Variants in ABCA13 observed in about 807,000 individuals in gnomAD.
The protein encoded by ABCA13 is ATP-binding cassette sub-family A member 13.
A neutral mutation model predicts 478.7 loss-of-function variants in ABCA13; 476 were observed. The observed-to-expected ratio is 0.99, with a 90% CI of 0.92 to 1.07. The LOEUF (loss-of-function observed/expected upper bound fraction) is 1.07, where lower values mean the gene tolerates loss of function less well. Among genes scored for constraint, ABCA13 ranks in the 50% least tolerant of loss-of-function variants. The probability of loss-of-function intolerance (pLI) is 0.00; values close to 1 mark genes in which losing one functional copy is unlikely to be tolerated. For missense variants in ABCA13, 6,060 were observed against 5,910.6 expected (o/e 1.03, Z -0.83); for synonymous variants, 2,252 against 2,158.9 (o/e 1.04, Z -1.20).
intron 27 of ABCA13, among the ~76,000 whole-genome samples, chr7:48,326,740 A>G (rs1462177868): frequency 1.3e-5 from 2 of 152,214 alleles, no homozygotes; most frequent in Non-Finnish European, 2.9e-5. Flanking sequence ...TTCTCCAAGT[A>G]GAAATTCACA....
chr7:48,240,258 A>G (rs961048207), intron 9 of ABCA13, among the ~76,000 whole-genome samples: 1 of 152,248 alleles, frequency 6.6e-6, no homozygotes, highest in African/African-American at 2.4e-5. Context: ...TGAAATGACC[A>G]GCATCCAATG....
chr7:48,254,107 T>C (rs1424339791), intron 15 of ABCA13, among the ~76,000 whole-genome samples: 4 of 152,152 alleles, frequency 2.6e-5, no homozygotes, highest in Non-Finnish European at 5.9e-5. Flanking sequence ...CTCCTTTAAT[T>C]CTTAATTTCA....
At chr7:48,489,365 T>A in intron 48 of ABCA13, 21 bp downstream of exon 48, 1 of 1,536,328 alleles carries the variant, frequency 6.5e-7, no homozygotes, top group African/African-American at 1.4e-5. Context: ...TTTTCATGCA[T>A]TGTAATTCAC....
chr7:48,483,819 C>A (rs1256929640), intron 47 of ABCA13, among the ~76,000 whole-genome samples: 1 of 152,262 alleles, frequency 6.6e-6, no homozygotes, highest in South Asian at 2.1e-4. Context: ...CAGAAAGATT[C>A]AAAGCATTCA....
chr7:48,550,217 G>A (rs1030498413), intron 55 of ABCA13, among the ~76,000 whole-genome samples: 22 of 150,778 alleles, frequency 1.5e-4, no homozygotes, highest in Admixed American at 7.3e-4. Flanking sequence ...AAAATTCTGC[G>A]TTTCATATAT....
intron 3 of ABCA13, among the ~76,000 whole-genome samples, chr7:48,215,490 A>G (rs1365580780): frequency 1.3e-5 from 2 of 152,212 alleles, no homozygotes; most frequent in Non-Finnish European, 2.9e-5. Flanking sequence ...TGTGACACAG[A>G]GACACAAAGT....
At chr7:48,181,827 A>T (rs746877419) in intron 1 of ABCA13, among the ~76,000 whole-genome samples, 48 of 152,296 alleles carry the variant, frequency 3.2e-4, no homozygotes, top group Non-Finnish European at 5.6e-4. Flanking sequence ...TTTTGTTTTT[A>T]AAAACACATT....
intron 26 of ABCA13, among the ~76,000 whole-genome samples, chr7:48,316,279 C>T (rs913132001): frequency 6.6e-6 from 1 of 152,110 alleles, no homozygotes; most frequent in African/African-American, 2.4e-5. Flanking sequence ...TCATTAAAGA[C>T]AGTTCAGTAG....
At chr7:48,525,666 T>C (rs1278066724) in intron 54 of ABCA13, among the ~76,000 whole-genome samples, 1 of 112,266 alleles carries the variant, frequency 8.9e-6, no homozygotes, top group Non-Finnish European at 1.7e-5. Context: ...TCTGTTTAGA[T>C]GCGCTTTTTT....
chr7:48,249,517 A>G (rs1444564253), intron 15 of ABCA13, among the ~76,000 whole-genome samples, 166 bp downstream of exon 15: 3 of 152,186 alleles, frequency 2.0e-5, no homozygotes, highest in African/African-American at 4.8e-5. Context: ...TTTCTCATCA[A>G]TTATGACAAG....
chr7:48,468,267 G>A (rs1225576745), intron 44 of ABCA13, among the ~76,000 whole-genome samples: 1 of 152,160 alleles, frequency 6.6e-6, no homozygotes, highest in African/African-American at 2.4e-5. Flanking sequence ...GGTTGCAGTA[G>A]AGCCCCAAAC....
chr7:48,533,524 A>G (rs1316226841), intron 55 of ABCA13, among the ~76,000 whole-genome samples: 1 of 152,088 alleles, frequency 6.6e-6, no homozygotes, highest in East Asian at 1.9e-4. Flanking sequence ...TCTAGGGTAT[A>G]GTTTAAGTCC....
chr7:48,439,572 C>G (rs1381398047), intron 42 of ABCA13, among the ~76,000 whole-genome samples: 1 of 151,998 alleles, frequency 6.6e-6, no homozygotes, highest in Admixed American at 6.6e-5. Flanking sequence ...GAGGATATTA[C>G]TACATAGAAA....
intron 35 of ABCA13, among the ~76,000 whole-genome samples, chr7:48,381,358 C>CACACATACACAT (rs1400612734): frequency 5.0e-4 from 76 of 150,618 alleles, no homozygotes; most frequent in African/African-American, 1.8e-3. Context: ...CTCTCTGTCA[C>CACACATACACAT]ACACATACAC....
intron 23 of ABCA13, 35 bp downstream of exon 23, chr7:48,298,522 A>G: frequency 1.3e-6 from 2 of 1,599,178 alleles, no homozygotes; most frequent in Non-Finnish European, 1.7e-6. Context: ...TGTTTTGCTC[A>G]TGGAAGGAGC....
In ABCA13 at chr7:48,646,187, T is replaced by C. The variant is rs1795423668; in HGVS notation, c.*675T>C. 2.0e-5 allele frequency: 3 copies of C among 152,226 alleles called. No individual in the cohort carries two copies. Among genetic ancestry groups the C allele is most frequent in the Admixed American group, 2.0e-4 (3 of 15,276 alleles). 9.4% of individuals were successfully genotyped at this position (152,226 alleles called of 1,614,324 possible). On this transcript the variant is annotated 3_prime_UTR_variant, in exon 62 of 62. Coordinates refer to ENST00000435803, the MANE Select transcript of ABCA13 (RefSeq NM_152701.5). ...AGTTACTCTGTATCAATTACAGTAG[T>C]TCTACCAGAATCTCCCAGGTTATAA...
intron 38 of ABCA13, among the ~76,000 whole-genome samples, chr7:48,393,113 C>T (rs753283043): frequency 6.6e-6 from 1 of 152,154 alleles, no homozygotes; most frequent in Non-Finnish European, 1.5e-5. Flanking sequence ...AAGGGAGAGA[C>T]AGTAGGTTCC....
intron 35 of ABCA13, 82 bp downstream of exon 35, chr7:48,376,654 A>G: frequency 7.2e-7 from 1 of 1,395,214 alleles, no homozygotes; most frequent in Non-Finnish European, 9.8e-7. Flanking sequence ...TAGAATAATC[A>G]CTTATTCTTT....
chr7:48,356,748 T>C (rs1386729691), intron 31 of ABCA13, among the ~76,000 whole-genome samples: 3 of 151,916 alleles, frequency 2.0e-5, no homozygotes, highest in African/African-American at 7.3e-5. Context: ...GTTTTTGAAA[T>C]TGCATGTTCC....
Sources: gnomAD v4.1 joint callset for allele counts (sites outside exome capture counted in the v4.1 genomes callset) on GRCh38, gnomAD v4.1.1 for gene constraint, MANE v1.5 for transcripts, NCBI Gene and HGNC (gene_info 2026-07-23, HGNC 2026-07-21) for gene names.